The following GATA3 variants were observed in gnomAD, a reference collection of about 807,000 sequenced individuals.
GATA3 encodes trans-acting T-cell-specific transcription factor GATA-3.
Under a neutral mutation model 36.0 loss-of-function variants are expected in GATA3, and 6 were observed. The observed-to-expected ratio is 0.17, with a 90% CI of 0.09 to 0.33. The LOEUF is 0.33. Among genes scored for constraint, GATA3 ranks in the 10% least tolerant of loss-of-function variants. The pLI is 1.00. For missense variants in GATA3, 514 were observed against 610.1 expected (o/e 0.84, Z 1.66); for synonymous variants, 326 against 273.0 (o/e 1.19, Z -1.92).
chr10:8,065,711 T>TG (rs1375850545), intron 4 of GATA3, among the ~76,000 whole-genome samples: 3 of 143,204 alleles, frequency 2.1e-5, no homozygotes, highest in Non-Finnish European at 3.0e-5. Context: ...TTTTTTTTTT[T>TG]TTTTTTTTTT....
intron 5 of GATA3, among the ~76,000 whole-genome samples, chr10:8,072,034 TTGA>T (rs1028896095): frequency 1.3e-5 from 2 of 152,216 alleles, no homozygotes; most frequent in Admixed American, 6.5e-5. Flanking sequence ...CATCTTTATC[TTGA>T]TGATAACTTT....
At chr10:8,056,127 CT>C (rs1195836294) in intron 2 of GATA3, among the ~76,000 whole-genome samples, 2 of 152,180 alleles carry the variant, frequency 1.3e-5, no homozygotes, top group African/African-American at 4.8e-5. Flanking sequence ...GCTGGTGGCC[CT>C]GGGGCCTGGC....
chr10:8,049,770 G>T (rs937342110), upstream of GATA3, among the ~76,000 whole-genome samples: 1 of 152,172 alleles, frequency 6.6e-6, no homozygotes, highest in Non-Finnish European at 1.5e-5. Flanking sequence ...TGGAGACGGA[G>T]GTGTGCGCGC....
chr10:8,049,618 A>G (rs1251162455), upstream of GATA3, among the ~76,000 whole-genome samples: 1 of 152,098 alleles, frequency 6.6e-6, no homozygotes, highest in African/African-American at 2.4e-5. Flanking sequence ...TGTCCCCGGC[A>G]TAACCCTCCC....
chr10:8,061,089 C>CTCTCTCTCTCTCT (rs754738004), intron 3 of GATA3, among the ~76,000 whole-genome samples: 20 of 145,730 alleles, frequency 1.4e-4, no homozygotes, highest in Admixed American at 2.1e-4. Context: ...CTCTCTCTCT[C>CTCTCTCTCTCTCT]TTTTTTACCC....
intron 4 of GATA3, among the ~76,000 whole-genome samples, chr10:8,068,218 A>C (rs1428843013): frequency 1.3e-5 from 2 of 152,230 alleles, no homozygotes; most frequent in Non-Finnish European, 2.9e-5. Flanking sequence ...AACACAACCA[A>C]GGAATCAAAA....
chr10:8,058,185 C>G, intron 2 of GATA3, 120 bp from the exon 3 acceptor site: 1 of 1,120,898 alleles, frequency 8.9e-7, no homozygotes, highest in Non-Finnish European at 1.3e-6. Flanking sequence ...GGGCCTGAGC[C>G]CGGGCTTTTG....
chr10:8,062,376 T>TA (rs1308687699), intron 3 of GATA3, among the ~76,000 whole-genome samples: 10 of 132,520 alleles, frequency 7.5e-5, no homozygotes, highest in African/African-American at 2.7e-4. Context: ...TTTTTTTTTT[T>TA]TAAAAAACAA....
rs1438152893 is a variant in GATA3, at chr10:8,058,672, C to T, written c.609C>T (p.Gly203=). ...SMKLESSHSR[G]SMTALGGASS... is the part of the protein sequence containing the mutation. ...AGCTGGAGTCGTCCCACTCCCGTGG[C>T]AGCATGACCGCCCTGGGTGGAGCCT... The change falls in exon 3 of 6, where the codon GGC becomes GGT. Residue 203 remains glycine (G), a synonymous_variant. Transcript: ENST00000379328. 2 of 1,613,308 alleles carry T rather than the reference C, an allele frequency of 1.2e-6. No homozygotes were observed. The highest frequency in any genetic ancestry group is 3.3e-5 in the Admixed American group (2 of 60,026).
upstream of GATA3, chr10:8,054,533 G>A (rs945274340): frequency 6.6e-6 from 1 of 152,058 alleles, no homozygotes; most frequent in Non-Finnish European, 1.5e-5. This position sits in a 1 kb window ranked among gnomAD's most constrained non-coding sequence, Gnocchi z 4.2. Context: ...AGGGGCGGGG[G>A]TGCGCGGGGC....
At chr10:8,065,700 GTTTTTTT>G (rs748515966) in intron 4 of GATA3, among the ~76,000 whole-genome samples, 21 of 62,284 alleles carry the variant, frequency 3.4e-4, no homozygotes, top group African/African-American at 9.9e-4. Flanking sequence ...CAGCAGTTTG[GTTTTTTT>G]TTTTTTTTTT....
chr10:8,065,074 C>T (rs1003055035), intron 4 of GATA3, among the ~76,000 whole-genome samples: 2 of 151,968 alleles, frequency 1.3e-5, no homozygotes, highest in African/African-American at 2.4e-5. Flanking sequence ...TTCACCAAGT[C>T]GAGATGGGAG....
upstream of GATA3, among the ~76,000 whole-genome samples, chr10:8,050,109 C>G (rs1255654289): frequency 1.3e-5 from 2 of 152,222 alleles, no homozygotes; most frequent in Non-Finnish European, 2.9e-5. Flanking sequence ...GCAAAGCAAG[C>G]AAGGAAAGAA....
chr10:8,069,349 C>G (rs1026920325), intron 4 of GATA3, 124 bp from the exon 5 acceptor site: 1 of 1,007,146 alleles, frequency 9.9e-7, no homozygotes, highest in Non-Finnish European at 1.5e-6. Context: ...GGACCACTTG[C>G]TAGTTTTGAT....
intron 4 of GATA3, among the ~76,000 whole-genome samples, chr10:8,065,609 A>G (rs10905279): frequency 0.53 from 80,333 of 151,168 alleles, 22,233 homozygotes; most frequent in East Asian, 0.71. Flanking sequence ...TTAATCTTTG[A>G]CAATCCTGGA....
rs1051406694 is a variant in GATA3, at chr10:8,048,541, A to G, written c.-370+3026A>G. Among the ~76,000 whole-genome samples the G allele has an allele frequency of 2.6e-5, 4 of 152,264 alleles. No individual in the cohort carries two copies. In the East Asian group the frequency reaches 5.8e-4, roughly 22 times the overall value. The stretch of plus-strand genomic sequence containing the variant: ...CCACTGGGGGCAGGGTAAGATGTCC[A>G]AAGCCCGGGAGACCCAGGGACGCCG... On this transcript the variant is annotated intron_variant, in intron 1 of 1. Coordinates refer to the GATA3 transcript ENST00000643001.
Position 8,063,547 on chromosome 10 carries a change from T to A in GATA3, c.779-446T>A, listed in dbSNP as rs7072318. ...ATCTTCATTATTTAATCAATCTCTATAGACAGACCCATGATGATAATGGGT... is the reference window on the plus strand; with the variant it reads ...ATCTTCATTATTTAATCAATCTCTAAAGACAGACCCATGATGATAATGGGT... On this transcript the variant is annotated intron_variant, in intron 3 of 5. Coordinates refer to ENST00000379328, the MANE Select transcript of GATA3 (RefSeq NM_001002295.2). Among the ~76,000 whole-genome samples the A allele has an allele frequency of 5.4e-3, 830 of 152,362 alleles. 5 individuals carry two copies. The highest frequency in any genetic ancestry group is 0.019 in the African/African-American group (784 of 41,582).
Position 8,074,254 on chromosome 10 carries a change from A to G in GATA3, c.*231A>G. ...TAAGCCATTCTGACTCATATCCCCT[A>G]TTTAACAGGGTCTCTAGTGCTGTGA... On this transcript the variant is annotated 3_prime_UTR_variant, in exon 6 of 6. Transcript: ENST00000379328. 1 of 564,918 alleles carries G rather than the reference A, an allele frequency of 1.8e-6. No individual in the cohort carries two copies. Among genetic ancestry groups the G allele is most frequent in the South Asian group, 2.4e-5 (1 of 42,414 alleles). The allele number at this position is 564,918 out of a possible 1,614,324, so 35.0% of individuals were successfully genotyped here.
At chr10:8,049,865 C>T (rs899569791), upstream of GATA3, among the ~76,000 whole-genome samples, 2 of 152,164 alleles carry the variant, frequency 1.3e-5, no homozygotes, top group African/African-American at 2.4e-5. Flanking sequence ...GAAATGGGGA[C>T]CCGGGGCTAA....
Sources: gnomAD v4.1 joint callset for allele counts (sites outside exome capture counted in the v4.1 genomes callset) on GRCh38, gnomAD v4.1.1 for gene constraint, Gnocchi (gnomAD v3.1) non-coding constraint, MANE v1.5 for transcripts, NCBI Gene and HGNC (gene_info 2026-07-23, HGNC 2026-07-21) for gene names.